The following LACTBL1 variants were observed in gnomAD, a reference collection of about 807,000 sequenced individuals.
LACTBL1 encodes the protein beta-lactamase-like protein 1.
Under a neutral mutation model 39.6 loss-of-function variants are expected in LACTBL1, and 29 were observed. That is an observed-to-expected ratio of 0.73 (90% CI 0.55 to 1.00). The LOEUF (loss-of-function observed/expected upper bound fraction) is 1.00. LACTBL1 is among the 50% of genes least tolerant of loss of function. The pLI, the probability that LACTBL1 is intolerant of heterozygous loss-of-function variation, is 0.00. For synonymous variants in LACTBL1, 361 were observed against 360.7 expected, an observed-to-expected ratio of 1.00 and a Z score of -0.01; for missense variants, 711 against 748.5, an observed-to-expected ratio of 0.95 and a Z score of 0.59.
Position 22,958,835 on chromosome 1 carries a change from GA to G in LACTBL1, c.402del (p.Leu135TrpfsTer24). 6.4e-7 allele frequency: 1 copy of G among 1,550,684 alleles called. No individual in the cohort carries two copies. Among genetic ancestry groups the G allele is most frequent in the Non-Finnish European group, 8.7e-7 (1 of 1,147,006 alleles). On this transcript the variant is annotated frameshift_variant, in exon 4 of 6. Coordinates refer to ENST00000426928, the Ensembl canonical transcript of LACTBL1. LOFTEE classifies it high-confidence loss of function. The stretch of plus-strand genomic sequence containing the variant: ...GTGAAGGTGCTGGCATACCGCTCCA[GA>G]GGGTCATCTAGGGAGGCCACGATGC...
chr1:22,963,311 C>T, intron 1 of LACTBL1, 95 bp from the exon 4 acceptor site: 1 of 606,168 alleles, frequency 1.6e-6, no homozygotes, highest in Non-Finnish European at 2.6e-6. Context: ...GCCTCAAGGA[C>T]AGCCCTCCCC....
chr1:22,959,915 C>A, intron 3 of LACTBL1, 27 bp downstream of exon 5: 1 of 1,550,738 alleles, frequency 6.4e-7, no homozygotes, highest in South Asian at 1.2e-5. Flanking sequence ...TACCCCTCCA[C>A]AGGACCCTAG....
intron 1 of LACTBL1, among the ~76,000 whole-genome samples, 189 bp downstream of exon 3, chr1:22,965,101 G>A (rs2124238846): frequency 6.6e-6 from 1 of 152,252 alleles, no homozygotes; most frequent in Non-Finnish European, 1.5e-5. Flanking sequence ...GGACATCGAG[G>A]CACAGAGAGG....
At chr1:22,960,190 C>G in intron 2 of LACTBL1, 91 bp from the exon 5 acceptor site, 1 of 1,441,670 alleles carries the variant, frequency 6.9e-7, no homozygotes, top group Non-Finnish European at 9.4e-7. Flanking sequence ...TAGTCACACC[C>G]TGCATGCAGC....
upstream of LACTBL1, among the ~76,000 whole-genome samples, chr1:22,966,428 C>T (rs762847024): frequency 6.6e-6 from 1 of 152,186 alleles, no homozygotes; most frequent in Non-Finnish European, 1.5e-5. Flanking sequence ...TGGTATTTCT[C>T]CCCCTTCCCT....
chr1:22,964,440 C>T (rs2124237948), intron 1 of LACTBL1, among the ~76,000 whole-genome samples: 1 of 152,250 alleles, frequency 6.6e-6, no homozygotes, highest in African/African-American at 2.4e-5. Context: ...AGGGAGACAC[C>T]GCCCCCCTCA....
chr1:22,960,329 T>C (rs997163811), intron 2 of LACTBL1, among the ~76,000 whole-genome samples: 1 of 152,122 alleles, frequency 6.6e-6, no homozygotes, highest in Non-Finnish European at 1.5e-5. Flanking sequence ...AAACGACTGC[T>C]TTAAGGCTGG....
chr1:22,972,440 A>T, the LACTBL1 span: 1 of 985,252 alleles, frequency 1.0e-6, no homozygotes, highest in East Asian at 1.1e-4. Context: ...GGCTGGAAAA[A>T]GAGGAGGGGG....
chr1:22,963,163 G>C (rs1473702777), exon 2 of LACTBL1: 8 of 1,316,676 alleles, frequency 6.1e-6, no homozygotes, highest in Non-Finnish European at 7.8e-6. Context: ...ACGGGCTCAG[G>C]GTGCCGGGGA....
exon 6 of LACTBL1, chr1:22,953,687 G>A: frequency 7.7e-7 from 1 of 1,295,120 alleles, no homozygotes. Context: ...CAGGCCAGCA[G>A]CGGCGCCAGC....
exon 6 of LACTBL1, chr1:22,953,191 G>C (rs952551397): frequency 1.6e-6 from 2 of 1,232,144 alleles, no homozygotes; most frequent in Non-Finnish European, 2.0e-6. Context: ...CGAGAGCCAC[G>C]CGTCGCCGAG....
At chr1:22,956,583 T>C (rs4654828) in intron 4 of LACTBL1, among the ~76,000 whole-genome samples, 84,754 of 151,886 alleles carry the variant, frequency 0.56, 26,046 homozygotes, top group East Asian at 0.77. Flanking sequence ...GCAGGGCAGA[T>C]AGTACCTGTC....
intron 5 of LACTBL1, among the ~76,000 whole-genome samples, chr1:22,955,047 C>T (rs1406270220): frequency 6.6e-5 from 10 of 152,218 alleles, no homozygotes; most frequent in Admixed American, 6.5e-5. Flanking sequence ...AGGAGCAAAC[C>T]GGGTGTTTAT....
At position 22,953,311 on chromosome 1, in the gene LACTBL1, G is replaced by A. The variant is rs529178136; in HGVS notation, c.1373C>T (p.Pro458Leu). Reference sequence around the variant, plus strand: ...TGGAGGCACCAGCGCCTCCACGCGCGGCCCGAACTGGCGCAGGCGCAGCTC... The same window carrying A: ...TGGAGGCACCAGCGCCTCCACGCGCAGCCCGAACTGGCGCAGGCGCAGCTC... The change falls in exon 6 of 6, where the codon CCG becomes CTG. Residue 458 changes from proline (P) to leucine (L), a missense_variant. Coordinates refer to ENST00000426928, the Ensembl canonical transcript of LACTBL1. 6.0e-4 allele frequency: 733 copies of A among 1,226,022 alleles called. 4 individuals carry two copies. In the African/African-American group the frequency reaches 9.4e-3, roughly 16 times the overall value. The allele number at this position is 1,226,022 out of a possible 1,614,324, so 75.9% of individuals were successfully genotyped here.
chr1:22,960,090 T>G (rs529062348), exon 3 of LACTBL1: 1 of 1,550,574 alleles, frequency 6.4e-7, no homozygotes, highest in Admixed American at 2.0e-5. Context: ...TGGCGCAGGA[T>G]CTGGTCCACC....
the LACTBL1 span, among the ~76,000 whole-genome samples, chr1:22,971,748 A>G: frequency 1.3e-5 from 2 of 152,238 alleles, no homozygotes; most frequent in African/African-American, 4.8e-5. Flanking sequence ...CTCTGCCGTT[A>G]CTAGTTCTGG....
chr1:22,963,213 G>A (rs1347522667), exon 2 of LACTBL1: 3 of 1,349,482 alleles, frequency 2.2e-6, no homozygotes, highest in Non-Finnish European at 9.6e-7. Flanking sequence ...TGGTCCCAGG[G>A]AACCTGGAGG....
chr1:22,964,811 G>C (rs1640861030), intron 1 of LACTBL1, among the ~76,000 whole-genome samples: 1 of 152,168 alleles, frequency 6.6e-6, no homozygotes, highest in Non-Finnish European at 1.5e-5. Context: ...CACTGTCAGT[G>C]GTGGCTCCTT....
chr1:22,965,282 G>T lies in LACTBL1; in HGVS notation c.49+8C>A. On this transcript the variant is annotated splice_region_variant and intron_variant, in intron 1 of 5. Coordinates refer to ENST00000426928, the Ensembl canonical transcript of LACTBL1. ...TGGGGAGGAACTCAAGGCTGTCTCT[G>T]CACTCACCGGTCTTCAGCTTGGGGA... 1 of 1,320,040 alleles carries T rather than the reference G, an allele frequency of 7.6e-7. No homozygotes were observed. Among genetic ancestry groups the T allele is most frequent in the East Asian group, 3.1e-5 (1 of 32,626 alleles). The allele number at this position is 1,320,040 out of a possible 1,614,324, so 81.8% of individuals were successfully genotyped here. A position where few individuals can be genotyped will look rare whatever the true frequency, so the allele number is the denominator to read the frequency against.
Sources: gnomAD v4.1 joint callset for allele counts (sites outside exome capture counted in the v4.1 genomes callset) on GRCh38, gnomAD v4.1.1 for gene constraint, MANE v1.5 for transcripts, NCBI Gene and HGNC (gene_info 2026-07-23, HGNC 2026-07-21) for gene names.